The following ANK2 variants were observed in gnomAD, a reference collection of about 807,000 sequenced individuals.
ANK2 encodes the protein ankyrin 2, also known as ankyrin-2.
Under a neutral mutation model 360.5 loss-of-function variants are expected in ANK2, and 83 were observed. The observed-to-expected ratio is 0.23, with a 90% confidence interval of 0.19 to 0.28. The LOEUF is 0.28. ANK2 is among the 10% of genes least tolerant of loss of function. ANK2 has a pLI of 1.00. For synonymous variants in ANK2, 1,740 were observed against 1,759.5 expected (o/e 0.99, Z 0.28); for missense variants, 4,201 against 4,795.7 (o/e 0.88, Z 3.66).
intron 2 of ANK2, among the ~76,000 whole-genome samples, chr4:112,982,631 C>T (rs2043449007): frequency 6.6e-6 from 1 of 152,124 alleles, no homozygotes; most frequent in Non-Finnish European, 1.5e-5. Context: ...AGAGAGCTAA[C>T]AAGAGATTAG....
chr4:113,358,056 T>A lies in ANK2; in HGVS notation c.9438T>A (p.Asp3146Glu). The A allele has an allele frequency of 6.2e-7, 1 of 1,614,060 alleles. No homozygotes were observed. Among genetic ancestry groups the A allele is most frequent in the Non-Finnish European group, 8.5e-7 (1 of 1,179,958 alleles). The change falls in exon 38 of 46, where the codon GAT (aspartate) becomes GAA (glutamate). Residue 3146 changes from aspartate (D) to glutamate (E), a missense_variant. Physicochemically the swap from Asp to Glu is conservative, Grantham distance 45 (BLOSUM62 2). This residue lies in a region of ANK2 where 2,642 missense variants were observed against 2,714.5 expected (regional missense o/e 0.97). Transcript: ENST00000357077. ...CCAGGGAAGAGACTCTCTCTGAAGA[T>A]GTGAAAGAAGGGGCTACTGGGGCTG... is the stretch of plus-strand genomic sequence containing the variant. ...QESREETLSE[D>E]VKEGATGADP...
At chr4:113,100,725 C>G (rs2092692660) in intron 1 of ANK2, among the ~76,000 whole-genome samples, 1 of 151,976 alleles carries the variant, frequency 6.6e-6, no homozygotes, top group Non-Finnish European at 1.5e-5. Context: ...CAGAGGCAAC[C>G]AAGATATCCC....
At chr4:113,153,345 A>T (rs2097162920) in intron 1 of ANK2, among the ~76,000 whole-genome samples, 1 of 152,212 alleles carries the variant, frequency 6.6e-6, no homozygotes, top group South Asian at 2.1e-4. Flanking sequence ...TTTCTGAAGG[A>T]TATTAGAAAG....
intron 2 of ANK2, among the ~76,000 whole-genome samples, chr4:113,192,577 T>G (rs1445018503): frequency 2.6e-5 from 4 of 152,174 alleles, no homozygotes; most frequent in Non-Finnish European, 5.9e-5. Context: ...GGTCTGGAAA[T>G]CAGATAGATC....
the ANK2 span, among the ~76,000 whole-genome samples, chr4:112,799,024 T>C: frequency 6.6e-6 from 1 of 152,210 alleles, no homozygotes; most frequent in East Asian, 1.9e-4. Context: ...TCTGTCTGTA[T>C]GAGTTTGACT....
At chr4:112,777,913 C>A in the ANK2 span, among the ~76,000 whole-genome samples, 16 of 147,246 alleles carry the variant, frequency 1.1e-4, no homozygotes, top group Non-Finnish European at 2.1e-4. Flanking sequence ...CCACCGCGCC[C>A]GGCTCATCTA....
intron 2 of ANK2, among the ~76,000 whole-genome samples, chr4:113,042,145 A>C (rs2063118233): frequency 6.6e-6 from 1 of 152,166 alleles, no homozygotes; most frequent in Non-Finnish European, 1.5e-5. Flanking sequence ...TTGAAGGCGC[A>C]GATAGAACAA....
chr4:113,084,459 T>C (rs1019758541), intron 1 of ANK2, among the ~76,000 whole-genome samples: 1 of 152,226 alleles, frequency 6.6e-6, no homozygotes, highest in Admixed American at 6.5e-5. Context: ...CGAAACGCGA[T>C]TAAATCCATA....
chr4:113,227,610 C>A (rs1192946943), intron 4 of ANK2, among the ~76,000 whole-genome samples: 1 of 152,124 alleles, frequency 6.6e-6, no homozygotes, highest in Admixed American at 6.6e-5. Flanking sequence ...AAAGCTATTA[C>A]AGGAGATTCT....
intron 2 of ANK2, among the ~76,000 whole-genome samples, chr4:113,000,648 G>T (rs1481486781): frequency 6.6e-6 from 1 of 152,174 alleles, no homozygotes; most frequent in East Asian, 1.9e-4. Flanking sequence ...TAGAAAAGTT[G>T]AACATGGTAG....
At chr4:113,232,570 C>T (rs1270145995) in intron 5 of ANK2, among the ~76,000 whole-genome samples, 1 of 152,094 alleles carries the variant, frequency 6.6e-6, no homozygotes, top group Non-Finnish European at 1.5e-5. Flanking sequence ...TTCTACTCAT[C>T]TCTTTTCACC....
chr4:112,930,944 G>A (rs1483644281), intron 2 of ANK2, among the ~76,000 whole-genome samples: 1 of 151,494 alleles, frequency 6.6e-6, no homozygotes, highest in Non-Finnish European at 1.5e-5. Context: ...CAAATAACAA[G>A]CAGAGCCTCA....
intron 2 of ANK2, among the ~76,000 whole-genome samples, chr4:112,951,424 A>T (rs1264301195): frequency 1.3e-5 from 2 of 152,252 alleles, no homozygotes; most frequent in African/African-American, 4.8e-5. Context: ...AAAGGTTTTT[A>T]AAAAGATCAT....
chr4:112,764,644 A>G, the ANK2 span, among the ~76,000 whole-genome samples: 1 of 146,358 alleles, frequency 6.8e-6, no homozygotes, highest in Non-Finnish European at 1.5e-5. Context: ...ACCTGGTCCA[A>G]TTTCTTTGTA....
At chr4:112,808,902 G>A in the ANK2 span, among the ~76,000 whole-genome samples, 1 of 152,086 alleles carries the variant, frequency 6.6e-6, no homozygotes, top group African/African-American at 2.4e-5. Context: ...CTGTTGCCCA[G>A]ACTGGAGTAA....
intron 1 of ANK2, among the ~76,000 whole-genome samples, chr4:112,894,078 C>G (rs1050594560): frequency 6.6e-6 from 1 of 152,186 alleles, no homozygotes; most frequent in African/African-American, 2.4e-5. Context: ...GACCCTTGCC[C>G]TTGTGCAGTT....
At chr4:113,244,447 G>T (rs185793460) in intron 9 of ANK2, among the ~76,000 whole-genome samples, 115 of 152,242 alleles carry the variant, frequency 7.6e-4, no homozygotes, top group African/African-American at 2.6e-3. Flanking sequence ...CATTACCTTT[G>T]CTGGTTTCCA....
chr4:112,816,021 T>A (rs1367720109), upstream of ANK2, among the ~76,000 whole-genome samples: 1 of 152,202 alleles, frequency 6.6e-6, no homozygotes, highest in Non-Finnish European at 1.5e-5. Context: ...AACCCCCAAT[T>A]TGTAGCCAAG....
At position 113,354,628 on chromosome 4, in the gene ANK2, T is replaced by A. The variant is rs2095629489; in HGVS notation, c.6010T>A (p.Ser2004Thr). ...GGCTTTCCAGTCAGGTCAGGACCCT[T>A]CTAAACATAAAACTGGACTCTTTGA... ...MKAFQSGQDP[S>T]KHKTGLFEHK... Residue 2004 changes from serine (S) to threonine (T), a missense_variant, in exon 38 of 46, where the codon TCT (serine) becomes ACT (threonine). Physicochemically the swap from Ser to Thr is moderately conservative, Grantham distance 58 (BLOSUM62 1). Coordinates refer to ENST00000357077, the MANE Select transcript of ANK2 (RefSeq NM_001148.6). 4 of 1,613,978 alleles carry A rather than the reference T, an allele frequency of 2.5e-6. No individual in the cohort carries two copies. Among genetic ancestry groups the A allele is most frequent in the Non-Finnish European group, 3.4e-6 (4 of 1,179,980 alleles).
Sources: allele counts gnomAD v4.1 joint callset (sites outside exome capture counted in the v4.1 genomes callset), GRCh38; gene constraint gnomAD v4.1.1; regional missense constraint gnomAD v4.1.1; transcripts MANE v1.5; gene names NCBI Gene and HGNC (gene_info 2026-07-23, HGNC 2026-07-21).